Variants in PRIM2 observed in about 807,000 individuals in gnomAD.
PRIM2 encodes DNA primase large subunit.
In PRIM2, 39 loss-of-function variants were observed where a neutral mutation model predicts 67.3. The observed-to-expected ratio is 0.58, with a 90% CI of 0.45 to 0.76. The LOEUF is 0.76. PRIM2 is among the 30% of genes least tolerant of loss of function. The pLI, the probability that PRIM2 is intolerant of heterozygous loss-of-function variation, is 0.00. For synonymous variants in PRIM2, 143 were observed against 198.7 expected, an observed-to-expected ratio of 0.72 and a Z score of 2.36; for missense variants, 398 against 598.7, an observed-to-expected ratio of 0.66 and a Z score of 3.50.
At chr6:57,241,071 A>G in the PRIM2 span, among the ~76,000 whole-genome samples, 3 of 151,852 alleles carry the variant, frequency 2.0e-5, no homozygotes, top group African/African-American at 7.3e-5. Context: ...TAAAAATACA[A>G]AAAATTAGCT....
chr6:57,383,221 C>T (rs1770021075), intron 7 of PRIM2: 1 of 152,106 alleles, frequency 6.6e-6, no homozygotes. Context: ...GTGGAAGACA[C>T]TGATACTTGT....
At chr6:57,420,857 T>G (rs1425942976) in intron 7 of PRIM2, among the ~76,000 whole-genome samples, 6 of 152,334 alleles carry the variant, frequency 3.9e-5, no homozygotes, top group African/African-American at 1.2e-4. Flanking sequence ...CATAGAAATA[T>G]TCACTTGTGG....
the PRIM2 span, among the ~76,000 whole-genome samples, chr6:57,235,810 G>A: frequency 6.6e-6 from 1 of 152,186 alleles, no homozygotes; most frequent in African/African-American, 2.4e-5. Flanking sequence ...AGAAGCAGAG[G>A]TCAGAAAGAG....
chr6:57,563,893 T>A (rs1260186985), intron 10 of PRIM2, among the ~76,000 whole-genome samples: 1 of 152,190 alleles, frequency 6.6e-6, no homozygotes, highest in Non-Finnish European at 1.5e-5. Context: ...ACTCCTGCTC[T>A]GGTGATCCAC....
Position 57,584,286 on chromosome 6 carries a change from T to C in PRIM2, c.1021-16807T>C, listed in dbSNP as rs1776152480. ...CCCACTAGCCAGCCTACCTCCAGTA[T>C]TCCTGAACAGATAGCTCTCCATTTT... is the stretch of plus-strand genomic sequence containing the variant. On this transcript the variant is annotated intron_variant, in intron 10 of 13. Transcript: ENST00000615550. Among the ~76,000 whole-genome samples, 6 of 152,296 alleles carry C rather than the reference T, an allele frequency of 3.9e-5. No homozygotes were observed. The South Asian group carries it at 1.2e-3, about 32-fold the overall frequency.
the PRIM2 span, among the ~76,000 whole-genome samples, chr6:57,241,596 T>C: frequency 6.6e-6 from 1 of 151,260 alleles, no homozygotes; most frequent in Non-Finnish European, 1.5e-5. Context: ...GAAAAAAGTG[T>C]TGAAAGTCTT....
chr6:57,493,039 A>G (rs1285140698), intron 7 of PRIM2, among the ~76,000 whole-genome samples: 1 of 152,214 alleles, frequency 6.6e-6, no homozygotes, highest in African/African-American at 2.4e-5. Context: ...TCTGAGATTG[A>G]TTGATTTCTA....
chr6:57,637,693 C>T (rs1329413543), intron 13 of PRIM2, among the ~76,000 whole-genome samples: 16 of 151,870 alleles, frequency 1.1e-4, no homozygotes, highest in Admixed American at 2.0e-4. Flanking sequence ...AGCAAGAAGA[C>T]GAGATTAGAG....
chr6:57,270,087 T>C, the PRIM2 span, among the ~76,000 whole-genome samples: 1 of 152,092 alleles, frequency 6.6e-6, no homozygotes, highest in Non-Finnish European at 1.5e-5. Context: ...TTTGTTCTTT[T>C]GGCTTAGGAT....
At chr6:57,496,097 G>A (rs1773998653) in intron 7 of PRIM2, among the ~76,000 whole-genome samples, 1 of 152,032 alleles carries the variant, frequency 6.6e-6, no homozygotes, top group Non-Finnish European at 1.5e-5. Context: ...AGTCCAAATT[G>A]GGGGAAAAAG....
the PRIM2 span, among the ~76,000 whole-genome samples, chr6:57,306,647 C>T: frequency 2.6e-5 from 4 of 152,148 alleles, no homozygotes; most frequent in African/African-American, 9.7e-5. Flanking sequence ...GAGCCATCAG[C>T]AGTCCGCGTC....
At chr6:57,591,980 T>C (rs1285154063) in intron 10 of PRIM2, among the ~76,000 whole-genome samples, 2 of 152,158 alleles carry the variant, frequency 1.3e-5, no homozygotes, top group African/African-American at 4.8e-5. Context: ...CAAGGAATAC[T>C]ACACAGCCAT....
In PRIM2 at chr6:57,337,885, C is replaced by T. The variant is rs1768316162; in HGVS notation, c.459+11840C>T. Among the ~76,000 whole-genome samples the T allele has an allele frequency of 2.0e-5, 3 of 151,962 alleles. 1 individual carries two copies. The South Asian group carries it at 6.2e-4, about 32-fold the overall frequency. On this transcript the variant is annotated intron_variant, in intron 5 of 13. Coordinates refer to ENST00000615550, the MANE Select transcript of PRIM2 (RefSeq NM_000947.5). ...AGCAGAACTGAAGGAAATAGAGACA[C>T]AAAAATCCCTTCAAAAAATTAATGA...
intron 12 of PRIM2, among the ~76,000 whole-genome samples, chr6:57,619,171 A>G (rs1404339691): frequency 1.3e-5 from 2 of 152,210 alleles, no homozygotes; most frequent in African/African-American, 4.8e-5. Flanking sequence ...AAGAGAGACA[A>G]CAATTATTGC....
chr6:57,389,057 T>C (rs938395197), intron 7 of PRIM2, among the ~76,000 whole-genome samples: 2 of 152,206 alleles, frequency 1.3e-5, no homozygotes, highest in Admixed American at 1.3e-4. Context: ...TGGATTTCTT[T>C]AAGGCAAAAA....
At chr6:57,340,013 A>G (rs1197043763) in intron 5 of PRIM2, among the ~76,000 whole-genome samples, 1 of 152,064 alleles carries the variant, frequency 6.6e-6, no homozygotes, top group Non-Finnish European at 1.5e-5. Context: ...TTTATGAGGA[A>G]AAAAAAACAA....
intron 13 of PRIM2, among the ~76,000 whole-genome samples, chr6:57,638,329 G>T (rs1432240941): frequency 9.9e-5 from 15 of 152,046 alleles, no homozygotes; most frequent in African/African-American, 3.6e-4. Context: ...ACACTATAAA[G>T]AAATTGCATC....
rs1418725596 is a variant in PRIM2, at chr6:57,451,059, A to G, written c.694-56328A>G. ...GATGATATTTAGTAGGAGCTATTTA[A>G]TGAGTTTATGTATATTTAATGTTTT... is the stretch of plus-strand genomic sequence containing the variant. On this transcript the variant is annotated intron_variant, in intron 7 of 13. Coordinates refer to ENST00000615550, the MANE Select transcript of PRIM2 (RefSeq NM_000947.5). Among the ~76,000 whole-genome samples the G allele has an allele frequency of 9.2e-5, 14 of 152,212 alleles. No individual in the cohort carries two copies. The East Asian group carries it at 2.5e-3, about 27-fold the overall frequency.
At chr6:57,626,797 T>C (rs1776956350) in intron 12 of PRIM2, among the ~76,000 whole-genome samples, 1 of 151,976 alleles carries the variant, frequency 6.6e-6, no homozygotes, top group African/African-American at 2.4e-5. Context: ...GTTAATTTTT[T>C]GTATTTTTAT....
Sources: allele counts gnomAD v4.1 joint callset (sites outside exome capture counted in the v4.1 genomes callset), GRCh38; gene constraint gnomAD v4.1.1; transcripts MANE v1.5; gene names NCBI Gene and HGNC (gene_info 2026-07-23, HGNC 2026-07-21).